Variants in CTTNBP2 observed in about 807,000 individuals in gnomAD.
The protein encoded by CTTNBP2 is cortactin-binding protein 2.
In CTTNBP2, 108 loss-of-function variants were observed where a neutral mutation model predicts 156.9. That is an observed-to-expected ratio of 0.69 (90% CI 0.59 to 0.81). The LOEUF (loss-of-function observed/expected upper bound fraction) is 0.81, where lower values mean the gene tolerates loss of function less well. CTTNBP2 is among the 30% of genes least tolerant of loss of function. CTTNBP2 has a pLI of 0.00. For synonymous variants in CTTNBP2, 767 were observed against 751.8 expected, an observed-to-expected ratio of 1.02 and a Z score of -0.33; for missense variants, 1,924 against 2,035.4, an observed-to-expected ratio of 0.95 and a Z score of 1.05.
Position 117,721,150 on chromosome 7 carries a change from T to C in CTTNBP2, c.4448-20A>G. 2 of 1,390,596 alleles carry C rather than the reference T, an allele frequency of 1.4e-6. No individual in the cohort carries two copies. Among genetic ancestry groups the C allele is most frequent in the Non-Finnish European group, 2.0e-6 (2 of 976,716 alleles). The allele number at this position is 1,390,596 out of a possible 1,614,324, so 86.1% of individuals were successfully genotyped here. On this transcript the variant is annotated intron_variant, in intron 19 of 22. Transcript: ENST00000160373. ...TCATACCTGTTAAAAAAGAGAACCA[T>C]TTTCAATAGATCATTATCCCTGTGC...
chr7:117,870,211 G>T (rs1258560395), intron 1 of CTTNBP2, among the ~76,000 whole-genome samples: 1 of 152,136 alleles, frequency 6.6e-6, no homozygotes, highest in Non-Finnish European at 1.5e-5. Context: ...TATTACTTTA[G>T]GGTAGCAAAG....
chr7:117,821,906 C>T (rs532082428), intron 2 of CTTNBP2, among the ~76,000 whole-genome samples: 58 of 152,150 alleles, frequency 3.8e-4, no homozygotes, highest in Middle Eastern at 6.8e-3. Context: ...GGATTTTTTA[C>T]ATCTATAGTT....
chr7:117,792,835 C>G lies in CTTNBP2; in HGVS notation c.415-54G>C. On this transcript the variant is annotated intron_variant, in intron 3 of 22. Transcript: ENST00000160373. The surrounding 1 kb of genome is among the most constrained non-coding windows in gnomAD (Gnocchi z 4.2). ...TTAATATACAGAATTTTCTTTTCACCAAGGAAATGCTTTTTGTGAGATTTT... is the reference window on the plus strand; with the variant it reads ...TTAATATACAGAATTTTCTTTTCACGAAGGAAATGCTTTTTGTGAGATTTT... The G allele has an allele frequency of 2.4e-6, 3 of 1,232,402 alleles. No individual in the cohort carries two copies. In the South Asian group the frequency reaches 6.8e-5, roughly 28 times the overall value. The allele number at this position is 1,232,402 out of a possible 1,614,324, so 76.3% of individuals were successfully genotyped here.
In CTTNBP2 at chr7:117,794,707, T is replaced by C. The variant is rs538775087; in HGVS notation, c.415-1926A>G. Among the ~76,000 whole-genome samples, 10 of 152,252 alleles carry C rather than the reference T, an allele frequency of 6.6e-5. No individual in the cohort carries two copies. The South Asian group carries it at 2.1e-3, about 32-fold the overall frequency. On this transcript the variant is annotated intron_variant, in intron 3 of 22. Coordinates refer to ENST00000160373, the MANE Select transcript of CTTNBP2 (RefSeq NM_033427.3). ...CCTGCTTTGACAAACAATTGCTAAA[T>C]AGCATTGGGATGTGTCCCATAAATA...
At chr7:117,789,647 C>T (rs185913712) in intron 4 of CTTNBP2, among the ~76,000 whole-genome samples, 1 of 152,128 alleles carries the variant, frequency 6.6e-6, no homozygotes, top group Non-Finnish European at 1.5e-5. Context: ...AAAGTCAATT[C>T]CATAGCAAAT....
intron 1 of CTTNBP2, among the ~76,000 whole-genome samples, chr7:117,869,606 G>A (rs900855881): frequency 6.6e-6 from 1 of 152,152 alleles, no homozygotes; most frequent in African/African-American, 2.4e-5. Flanking sequence ...ACCTCATAAA[G>A]TTATGAGAAA....
At chr7:117,823,276 C>T (rs1295484197) in intron 2 of CTTNBP2, among the ~76,000 whole-genome samples, 5 of 151,922 alleles carry the variant, frequency 3.3e-5, no homozygotes, top group East Asian at 1.9e-4. Context: ...TCATCTGCTT[C>T]GAAAAATAAG....
chr7:117,810,719 T>G (rs1405248825), intron 3 of CTTNBP2, 46 bp downstream of exon 3: 1 of 1,483,554 alleles, frequency 6.7e-7, no homozygotes, highest in Non-Finnish European at 9.4e-7. Flanking sequence ...ATCTCCTCAT[T>G]GGACACCATG....
In CTTNBP2 at chr7:117,777,748, A is replaced by C; in HGVS notation, c.2541T>G (p.Val847=). The part of the protein sequence containing the change: ...SVKTTDGWTP[V]HAAVDTGNVD... Reference sequence around the variant, plus strand: ...CATTACCAGTGTCCACAGCTGCGTGAACTGGTGTCCAGCCATCCTGAAAAT... The same window carrying C: ...CATTACCAGTGTCCACAGCTGCGTGCACTGGTGTCCAGCCATCCTGAAAAT... The change falls in exon 8 of 23, where the codon GTT becomes GTG. Residue 847 remains valine (V), a synonymous_variant. Transcript: ENST00000160373. 2 of 1,609,198 alleles carry C rather than the reference A, an allele frequency of 1.2e-6. No homozygotes were observed. Among genetic ancestry groups the C allele is most frequent in the South Asian group, 1.1e-5 (1 of 90,914 alleles).
intron 22 of CTTNBP2, among the ~76,000 whole-genome samples, chr7:117,716,943 C>T (rs568673726): frequency 6.6e-6 from 1 of 152,262 alleles, no homozygotes; most frequent in East Asian, 1.9e-4. Context: ...TATAATCCTG[C>T]TCTCTGCGCC....
intron 21 of CTTNBP2, 108 bp downstream of exon 21, chr7:117,719,396 C>T: frequency 9.7e-7 from 1 of 1,033,602 alleles, no homozygotes; most frequent in Non-Finnish European, 1.4e-6. Flanking sequence ...TGATTTGGAT[C>T]ATTAACCATA....
intron 2 of CTTNBP2, among the ~76,000 whole-genome samples, chr7:117,831,476 A>T (rs1005459588): frequency 2.0e-5 from 3 of 152,112 alleles, no homozygotes; most frequent in Non-Finnish European, 2.9e-5. Context: ...TGAGCCACAG[A>T]CACAGGAGAG....
At chr7:117,872,544 C>A (rs188683674) in intron 1 of CTTNBP2, among the ~76,000 whole-genome samples, 51 of 152,202 alleles carry the variant, frequency 3.4e-4, no homozygotes, top group Non-Finnish European at 6.0e-4. Flanking sequence ...GTCTCTACAC[C>A]GGAATATTAA....
rs777111908 is a variant in CTTNBP2, at chr7:117,873,437, A to C, written c.-22T>G. On this transcript the variant is annotated 5_prime_UTR_variant, in exon 1 of 23. It adds an upstream start codon to the 5' untranslated region. Transcript: ENST00000160373. Reference sequence around the variant, plus strand: ...CCATCTTCCTGCTCTAGCGGATCCGAATGCGAGCTCGGAGCCGCGGCTCCG... The same window carrying C: ...CCATCTTCCTGCTCTAGCGGATCCGCATGCGAGCTCGGAGCCGCGGCTCCG... 6 of 1,459,204 alleles carry C rather than the reference A, an allele frequency of 4.1e-6. No individual in the cohort carries two copies. The highest frequency in any genetic ancestry group is 2.3e-5 in the Admixed American group (1 of 42,622). 90.4% of individuals were successfully genotyped at this position (1,459,204 alleles called of 1,614,324 possible).
rs181587811 is a variant in CTTNBP2 at position 117,755,158 on chromosome 7, G to A, written c.3348+1397C>T. On this transcript the variant is annotated intron_variant, in intron 12 of 22. Transcript: ENST00000160373. ...TCATGCTTTTAGGAAGGGGGACAAA[G>A]AGTAAAGCAAAGAAGTCAAAGTATC... Among the ~76,000 whole-genome samples, 45 of 152,284 alleles carry A rather than the reference G, an allele frequency of 3.0e-4. 1 individual carries two copies. In the East Asian group the frequency reaches 7.0e-3, roughly 24 times the overall value.
intron 12 of CTTNBP2, chr7:117,755,424 G>A (rs1796831477): frequency 3.0e-6 from 1 of 333,528 alleles, no homozygotes; most frequent in Non-Finnish European, 6.0e-6. Context: ...CGAAATTAAG[G>A]CAGCAAGCAA....
At chr7:117,851,583 G>A (rs549041940) in intron 2 of CTTNBP2, among the ~76,000 whole-genome samples, 2 of 152,248 alleles carry the variant, frequency 1.3e-5, no homozygotes, top group South Asian at 4.1e-4. Flanking sequence ...TCCTACCTCG[G>A]AGCCTACAGT....
In CTTNBP2 at chr7:117,791,810, A is replaced by G. The variant is rs1799033727; in HGVS notation, c.1386T>C (p.Asn462=). The G allele has an allele frequency of 1.2e-6, 2 of 1,613,992 alleles. No homozygotes were observed. Among genetic ancestry groups the G allele is most frequent in the Non-Finnish European group, 1.7e-6 (2 of 1,180,042 alleles). The stretch of plus-strand genomic sequence containing the variant: ...ACGGAGGACTTTGGGTAGTATTTCC[A>G]TTTTGGTCTGGGTCGTTAGCATTGC... ...FQGNANDPDQ[N]GNTTQSPPSR... is the part of the protein sequence containing the mutation. The change falls in exon 4 of 23, where the codon AAT becomes AAC. Residue 462 remains asparagine (N), a synonymous_variant. Transcript: ENST00000160373.
chr7:117,747,173 T>C (rs1476074288), intron 12 of CTTNBP2, among the ~76,000 whole-genome samples: 3 of 152,228 alleles, frequency 2.0e-5, no homozygotes, highest in Non-Finnish European at 4.4e-5. Flanking sequence ...CAAGTGAAGA[T>C]TGAGCCACCC....
Sources: allele counts gnomAD v4.1 joint callset (sites outside exome capture counted in the v4.1 genomes callset), GRCh38; gene constraint gnomAD v4.1.1; non-coding constraint Gnocchi (gnomAD v3.1); transcripts MANE v1.5; gene names NCBI Gene and HGNC (gene_info 2026-07-23, HGNC 2026-07-21).